The following HELZ variants were observed in gnomAD, a reference collection of about 807,000 sequenced individuals.
HELZ encodes the protein ATP-dependent RNA helicase with zinc finger domain.
In HELZ, 23 loss-of-function variants were observed where a neutral mutation model predicts 218.2. The ratio of observed to expected loss-of-function variants is 0.11; its 90% confidence interval spans 0.08 to 0.15. HELZ has a LOEUF of 0.15. Among genes scored for constraint, HELZ ranks in the 10% least tolerant of loss-of-function variants. The pLI, the probability that HELZ is intolerant of heterozygous loss-of-function variation, is 1.00. For synonymous variants in HELZ, 814 were observed against 829.4 expected, an observed-to-expected ratio of 0.98 and a Z score of 0.32; for missense variants, 1,813 against 2,353.7, an observed-to-expected ratio of 0.77 and a Z score of 4.75.
chr17:67,161,620 T>C (rs1244043207), intron 15 of HELZ, among the ~76,000 whole-genome samples: 1 of 152,236 alleles, frequency 6.6e-6, no homozygotes, highest in Non-Finnish European at 1.5e-5. Context: ...GATCTTAATG[T>C]AGAAAATATT....
rs1169424417 is a variant in HELZ at position 67,167,687 on chromosome 17, T to C, written c.1540A>G (p.Thr514Ala). The change falls in exon 14 of 33, where the codon ACT becomes GCT. Residue 514 changes from threonine to alanine, a missense_variant. Around this residue, in one of 4 missense-constraint regions of HELZ, gnomAD observed 714 missense variants for 1,029.2 expected, o/e 0.69. Coordinates refer to ENST00000358691, the MANE Select transcript of HELZ (RefSeq NM_014877.4). ...AAAGTATCTTCAGAAAGTGTTTCAG[T>C]AAGCTTAAAGCGACCAAAAAGTTGT... The part of the protein sequence containing the change: ...NGQLFGRFKL[T>A]ETLSEDTLAG... The C allele has an allele frequency of 1.9e-6, 3 of 1,614,200 alleles. No individual in the cohort carries two copies. The highest frequency in any genetic ancestry group is 3.3e-5 in the Admixed American group (2 of 60,032).
At chr17:67,165,369 T>C (rs1381116256) in intron 15 of HELZ, among the ~76,000 whole-genome samples, 1 of 152,064 alleles carries the variant, frequency 6.6e-6, no homozygotes. Flanking sequence ...GCCTGGCCCA[T>C]AAAAGCTTCC....
chr17:67,091,879 C>T (rs1053960929), intron 31 of HELZ, among the ~76,000 whole-genome samples: 7 of 152,082 alleles, frequency 4.6e-5, no homozygotes, highest in Non-Finnish European at 7.4e-5. Context: ...TAACTTATTT[C>T]AATTTAGCTC....
Position 67,089,285 on chromosome 17 carries a change from C to T in HELZ, c.5242-2204G>A, listed in dbSNP as rs563358141. The stretch of plus-strand genomic sequence containing the variant: ...AACATACACAAACCAGTAGTATAAA[C>T]GATAACCTTTTTACAATGAATAGAC... On this transcript the variant is annotated intron_variant, in intron 31 of 32. Coordinates refer to ENST00000358691, the MANE Select transcript of HELZ (RefSeq NM_014877.4). 3.9e-5 allele frequency among the ~76,000 whole-genome samples: 6 copies of T among 152,036 alleles called. No individual in the cohort carries two copies. The East Asian group carries it at 9.7e-4, about 24-fold the overall frequency.
chr17:67,222,909 G>A (rs2040786626), intron 3 of HELZ, among the ~76,000 whole-genome samples: 1 of 152,096 alleles, frequency 6.6e-6, no homozygotes, highest in Non-Finnish European at 1.5e-5. Context: ...TCTATTGTAT[G>A]TGATCCTGCT....
chr17:67,161,359 G>A (rs1420226553), intron 15 of HELZ, among the ~76,000 whole-genome samples: 2 of 152,184 alleles, frequency 1.3e-5, no homozygotes, highest in Non-Finnish European at 2.9e-5. Flanking sequence ...GAATCTAGCT[G>A]CTGCCAGGTC....
intron 31 of HELZ, among the ~76,000 whole-genome samples, chr17:67,105,307 A>G (rs1247364149): frequency 6.6e-6 from 1 of 152,232 alleles, no homozygotes; most frequent in Non-Finnish European, 1.5e-5. Flanking sequence ...ACATAGACTT[A>G]CTACATCACC....
chr17:67,135,110 A>AGG (rs771223246), intron 23 of HELZ, among the ~76,000 whole-genome samples: 8 of 152,114 alleles, frequency 5.3e-5, no homozygotes, highest in Non-Finnish European at 8.8e-5. Flanking sequence ...TTTGGTGTGT[A>AGG]GGTTGATATT....
At chr17:67,131,616 GCCTGAAAT>G (rs1211525037) in intron 23 of HELZ, among the ~76,000 whole-genome samples, 1 of 151,620 alleles carries the variant, frequency 6.6e-6, no homozygotes, top group African/African-American at 2.4e-5. Context: ...TCTAGAACTA[GCCTGAAAT>G]CTTGACTCTA....
At position 67,151,036 on chromosome 17, in the gene HELZ, G is replaced by A; in HGVS notation, c.2356+10C>T. Reference sequence around the variant, plus strand: ...CTAAACTTGTGAGACTGTGTCTTGAGTCAGCATACCAGGTTCAAGGTCCAA... The same window carrying A: ...CTAAACTTGTGAGACTGTGTCTTGAATCAGCATACCAGGTTCAAGGTCCAA... On this transcript the variant is annotated intron_variant, in intron 18 of 32. Transcript: ENST00000358691. 1.9e-6 allele frequency: 3 copies of A among 1,611,730 alleles called. 1 individual carries two copies. Among genetic ancestry groups the A allele is most frequent in the Middle Eastern group, 3.3e-4 (2 of 6,058 alleles).
At chr17:67,195,095 C>A (rs1461817859) in intron 8 of HELZ, among the ~76,000 whole-genome samples, 1 of 152,116 alleles carries the variant, frequency 6.6e-6, no homozygotes, top group African/African-American at 2.4e-5. Flanking sequence ...AATAACTGTA[C>A]TAGCTTAGGA....
intron 31 of HELZ, among the ~76,000 whole-genome samples, chr17:67,089,696 G>GAGAGAGACAGAGAGAGAC: frequency 8.2e-6 from 1 of 122,676 alleles, no homozygotes; most frequent in East Asian, 2.4e-4. Context: ...GAGAGAGAGA[G>GAGAGAGACAGAGAGAGAC]AGAGACAGAG....
At chr17:67,159,347 G>GT (rs1417433177) in intron 17 of HELZ, among the ~76,000 whole-genome samples, 2 of 151,334 alleles carry the variant, frequency 1.3e-5, no homozygotes, top group African/African-American at 2.4e-5. Flanking sequence ...TTCCTCTTTT[G>GT]TTTTTTTAAT....
intron 27 of HELZ, among the ~76,000 whole-genome samples, chr17:67,118,692 C>CAAAAAAAAAAAAA (rs142101119): frequency 2.2e-5 from 1 of 44,918 alleles, no homozygotes; most frequent in African/African-American, 9.4e-5. Context: ...CTTTAAAAGG[C>CAAAAAAAAAAAAA]AAAAAAAAAA....
chr17:67,242,049 C>A (rs185951040), intron 2 of HELZ, among the ~76,000 whole-genome samples: 1 of 152,322 alleles, frequency 6.6e-6, no homozygotes, highest in East Asian at 1.9e-4. Context: ...CCATTTTAGA[C>A]TACAAACAAA....
intron 5 of HELZ, among the ~76,000 whole-genome samples, chr17:67,206,927 T>C (rs991467325): frequency 2.0e-5 from 3 of 150,526 alleles, no homozygotes; most frequent in African/African-American, 7.4e-5. Context: ...TTGGGTTTTT[T>C]TTGAGACAGA....
Position 67,129,895 on chromosome 17 carries a change from T to C in HELZ, c.3183-1040A>G, listed in dbSNP as rs1181750280. On this transcript the variant is annotated intron_variant, in intron 23 of 32. Transcript: ENST00000358691. ...TGTTTAATATGAGAGGTTCAAATAA[T>C]GTTTTATTATGCTATAAAAGATATG... Among the ~76,000 whole-genome samples, 7 of 152,172 alleles carry C rather than the reference T, an allele frequency of 4.6e-5. No homozygotes were observed. The East Asian group carries it at 9.6e-4, about 21-fold the overall frequency.
At chr17:67,086,180 C>T (rs1028753542) in intron 32 of HELZ, among the ~76,000 whole-genome samples, 1 of 152,166 alleles carries the variant, frequency 6.6e-6, no homozygotes, top group African/African-American at 2.4e-5. Context: ...TTTTCCCAAA[C>T]AAAGGTGATT....
At chr17:67,111,921 G>T (rs1461895932) in intron 28 of HELZ, among the ~76,000 whole-genome samples, 1 of 152,132 alleles carries the variant, frequency 6.6e-6, no homozygotes, top group Non-Finnish European at 1.5e-5. Flanking sequence ...ACATGAAGGA[G>T]GTCATAATCA....
Sources: allele counts gnomAD v4.1 joint callset (sites outside exome capture counted in the v4.1 genomes callset), GRCh38; gene constraint gnomAD v4.1.1; regional missense constraint gnomAD v4.1.1; transcripts MANE v1.5; gene names NCBI Gene and HGNC (gene_info 2026-07-23, HGNC 2026-07-21).